PHAF1: variants seen among roughly 807,000 people sequenced by gnomAD.
PHAF1 encodes phagosome assembly factor 1.
In PHAF1, 23 loss-of-function variants were observed where a neutral mutation model predicts 63.1. The observed-to-expected ratio is 0.36, with a 90% CI of 0.26 to 0.52. PHAF1 has a LOEUF of 0.52. PHAF1 is among the 20% of genes least tolerant of loss of function. PHAF1 has a pLI of 0.93. For synonymous variants in PHAF1, 167 were observed against 185.0 expected, an observed-to-expected ratio of 0.90 and a Z score of 0.79; for missense variants, 427 against 517.2, an observed-to-expected ratio of 0.83 and a Z score of 1.69.
intron 2 of PHAF1, among the ~76,000 whole-genome samples, chr16:67,125,320 G>A (rs960423794): frequency 2.0e-5 from 3 of 152,188 alleles, no homozygotes; most frequent in Non-Finnish European, 4.4e-5. Context: ...TTAGATCTTA[G>A]ACTTCGGCTT....
intron 1 of PHAF1, among the ~76,000 whole-genome samples, chr16:67,113,420 T>C (rs901677611): frequency 6.6e-6 from 1 of 152,104 alleles, no homozygotes. Context: ...CAGTGCAGAT[T>C]TGAAATGTTT....
intron 8 of PHAF1, among the ~76,000 whole-genome samples, chr16:67,137,490 T>C (rs958360594): frequency 2.6e-5 from 4 of 152,084 alleles, no homozygotes; most frequent in Admixed American, 6.6e-5. Flanking sequence ...GGCTAATTTC[T>C]GTATTTTTAG....
At chr16:67,116,816 C>T (rs1196564541) in intron 1 of PHAF1, among the ~76,000 whole-genome samples, 2 of 152,108 alleles carry the variant, frequency 1.3e-5, no homozygotes, top group East Asian at 1.9e-4. Flanking sequence ...CACCACTACA[C>T]TCCAGCCTGG....
At chr16:67,136,998 AG>A in intron 8 of PHAF1, among the ~76,000 whole-genome samples, 1 of 152,300 alleles carries the variant, frequency 6.6e-6, no homozygotes, top group African/African-American at 2.4e-5. Flanking sequence ...ACTAAAAAAT[AG>A]AAAAAATTAG....
In PHAF1 at chr16:67,145,979, G is replaced by A. The variant is rs576870555; in HGVS notation, c.1110-299G>A. ...GCTGCCTGCTGAAGTCCACAGCCCCGTTCCTGGTTGCCATGCTGCCTGAGA... is the reference window on the plus strand; with the variant it reads ...GCTGCCTGCTGAAGTCCACAGCCCCATTCCTGGTTGCCATGCTGCCTGAGA... On this transcript the variant is annotated intron_variant, in intron 14 of 15. Coordinates refer to ENST00000219139, the MANE Select transcript of PHAF1 (RefSeq NM_025187.5). 1.2e-3 allele frequency among the ~76,000 whole-genome samples: 185 copies of A among 152,206 alleles called. No individual in the cohort carries two copies. In the Middle Eastern group the frequency reaches 0.017, roughly 14 times the overall value.
At chr16:67,142,895 G>A (rs1051213233) in intron 10 of PHAF1, among the ~76,000 whole-genome samples, 1 of 152,242 alleles carries the variant, frequency 6.6e-6, no homozygotes, top group African/African-American at 2.4e-5. Context: ...CATCCTTGCA[G>A]CGGCCACTCC....
intron 2 of PHAF1, among the ~76,000 whole-genome samples, chr16:67,120,801 T>TC (rs1962940848): frequency 6.6e-6 from 1 of 152,040 alleles, no homozygotes; most frequent in African/African-American, 2.4e-5. Flanking sequence ...CTAAAGGATG[T>TC]CCCCAGTGAC....
At chr16:67,128,283 G>A (rs1311595234) in intron 3 of PHAF1, among the ~76,000 whole-genome samples, 1 of 152,098 alleles carries the variant, frequency 6.6e-6, no homozygotes, top group African/African-American at 2.4e-5. Context: ...ATGAGGAATG[G>A]GAGGTACCTT....
At chr16:67,130,240 G>A (rs1597202433) in intron 3 of PHAF1, among the ~76,000 whole-genome samples, 2 of 151,800 alleles carry the variant, frequency 1.3e-5, no homozygotes, top group South Asian at 2.1e-4. Context: ...GTAGAGACAC[G>A]GTTTCACCGT....
intron 2 of PHAF1, among the ~76,000 whole-genome samples, chr16:67,122,876 A>G (rs1214883073): frequency 6.6e-6 from 1 of 151,824 alleles, no homozygotes; most frequent in Non-Finnish European, 1.5e-5. Context: ...TTACAGGCAC[A>G]TGCCACCATG....
chr16:67,137,523 T>C (rs1471952461), intron 8 of PHAF1, among the ~76,000 whole-genome samples: 1 of 152,114 alleles, frequency 6.6e-6, no homozygotes, highest in Non-Finnish European at 1.5e-5. Flanking sequence ...TTCACCATAT[T>C]GACCAGGCTG....
At chr16:67,118,901 A>G (rs886746320) in intron 1 of PHAF1, among the ~76,000 whole-genome samples, 1 of 149,264 alleles carries the variant, frequency 6.7e-6, no homozygotes, top group Admixed American at 6.8e-5. Context: ...TAGCCACCCC[A>G]GGACCTAGAG....
At chr16:67,123,398 G>C (rs1297171899) in intron 2 of PHAF1, among the ~76,000 whole-genome samples, 3 of 151,188 alleles carry the variant, frequency 2.0e-5, no homozygotes, top group Non-Finnish European at 2.9e-5. Flanking sequence ...CCAACATGGT[G>C]AAACCCCGTC....
At chr16:67,122,628 T>C (rs1333558123) in intron 2 of PHAF1, among the ~76,000 whole-genome samples, 2 of 152,110 alleles carry the variant, frequency 1.3e-5, no homozygotes, top group Non-Finnish European at 2.9e-5. Context: ...AGATCTCTGC[T>C]TTTCTCATTT....
intron 1 of PHAF1, among the ~76,000 whole-genome samples, chr16:67,116,867 C>A (rs1326055231): frequency 6.6e-6 from 1 of 152,038 alleles, no homozygotes; most frequent in Non-Finnish European, 1.5e-5. Flanking sequence ...CAAAACAAAA[C>A]CAGTCACTGG....
chr16:67,144,992 C>T, intron 12 of PHAF1, 115 bp downstream of exon 12: 1 of 1,324,872 alleles, frequency 7.5e-7, no homozygotes, highest in Non-Finnish European at 1.1e-6. Context: ...CCCATGGCCT[C>T]AGTTCCTCTG....
chr16:67,114,931 A>G (rs1428630404), intron 1 of PHAF1, among the ~76,000 whole-genome samples: 2 of 152,336 alleles, frequency 1.3e-5, no homozygotes, highest in East Asian at 3.9e-4. Context: ...GATCACTTTT[A>G]ATCTGTTGGC....
chr16:67,127,989 CATAAAATCA>C (rs1963254757), intron 3 of PHAF1, among the ~76,000 whole-genome samples: 2 of 152,240 alleles, frequency 1.3e-5, no homozygotes, highest in African/African-American at 4.8e-5. Flanking sequence ...TCCAGCAGCC[CATAAAATCA>C]CAGCATGGTG....
chr16:67,133,352 C>T (rs1472886231), intron 6 of PHAF1, among the ~76,000 whole-genome samples: 1 of 151,934 alleles, frequency 6.6e-6, no homozygotes, highest in Non-Finnish European at 1.5e-5. Context: ...TGCATTTTCC[C>T]CTATGAAGAA....
Sources: gnomAD v4.1 joint callset for allele counts (sites outside exome capture counted in the v4.1 genomes callset) on GRCh38, gnomAD v4.1.1 for gene constraint, MANE v1.5 for transcripts, NCBI Gene and HGNC (gene_info 2026-07-23, HGNC 2026-07-21) for gene names.